The following TMC2 variants were observed in gnomAD, a reference collection of about 807,000 sequenced individuals.
The protein encoded by TMC2 is transmembrane channel like 2.
TMC2 carries 102 observed loss-of-function variants against 105.9 expected under a neutral mutation model. That is an observed-to-expected ratio of 0.96 (90% CI 0.82 to 1.14). The LOEUF (loss-of-function observed/expected upper bound fraction) is 1.14, where lower values mean the gene tolerates loss of function less well. TMC2 is among the 50% of genes most tolerant of loss of function. The pLI, the probability that TMC2 is intolerant of heterozygous loss-of-function variation, is 0.00. For synonymous variants in TMC2, 402 were observed against 422.8 expected (o/e 0.95, Z 0.60); for missense variants, 1,093 against 1,134.3 (o/e 0.96, Z 0.52).
At chr20:2,578,064 T>C (rs2086160383) in intron 5 of TMC2, among the ~76,000 whole-genome samples, 1 of 152,012 alleles carries the variant, frequency 6.6e-6, no homozygotes, top group South Asian at 2.1e-4. Flanking sequence ...CTCAAGTTTG[T>C]AATCCCAACA....
At chr20:2,591,945 G>C (rs1020931806) in intron 7 of TMC2, among the ~76,000 whole-genome samples, 1 of 152,130 alleles carries the variant, frequency 6.6e-6, no homozygotes, top group African/African-American at 2.4e-5. Flanking sequence ...CCTGAGGTCA[G>C]GGGTTCAAGA....
intron 16 of TMC2, among the ~76,000 whole-genome samples, chr20:2,620,987 TC>T (rs1394116028): frequency 6.6e-6 from 1 of 152,194 alleles, no homozygotes; most frequent in Non-Finnish European, 1.5e-5. Flanking sequence ...AGTAAATAAC[TC>T]ATTTTCTAGT....
At chr20:2,615,557 C>G (rs932379876) in intron 14 of TMC2, among the ~76,000 whole-genome samples, 2 of 152,154 alleles carry the variant, frequency 1.3e-5, no homozygotes, top group Non-Finnish European at 2.9e-5. Context: ...TTCAAATATT[C>G]GGACAAATCA....
At chr20:2,625,483 G>A (rs1455511037) in intron 17 of TMC2, among the ~76,000 whole-genome samples, 1 of 152,130 alleles carries the variant, frequency 6.6e-6, no homozygotes, top group Non-Finnish European at 1.5e-5. Context: ...GTATAGTACT[G>A]TTTCCGGAGT....
At chr20:2,579,257 A>G (rs1256276917) in intron 6 of TMC2, 30 bp downstream of exon 6, 7 of 1,388,170 alleles carry the variant, frequency 5.0e-6, no homozygotes, top group Admixed American at 1.7e-5. Flanking sequence ...TGTTTTTTTA[A>G]TTGGTTTCCT....
chr20:2,611,822 A>G (rs2086440353), intron 12 of TMC2, among the ~76,000 whole-genome samples: 1 of 137,330 alleles, frequency 7.3e-6, no homozygotes, highest in East Asian at 2.3e-4. Flanking sequence ...GAATGCTTAG[A>G]TGGATGAATG....
intron 12 of TMC2, among the ~76,000 whole-genome samples, chr20:2,611,350 G>A (rs1453425399): frequency 6.6e-6 from 1 of 152,124 alleles, no homozygotes; most frequent in East Asian, 1.9e-4. Flanking sequence ...ACTGTTCTAA[G>A]CATGGAAGTG....
At chr20:2,608,300 TTTATTATTATTATTATTATTATTATTA>T (rs61608674) in intron 11 of TMC2, among the ~76,000 whole-genome samples, 1 of 134,602 alleles carries the variant, frequency 7.4e-6, no homozygotes, top group African/African-American at 2.7e-5. Flanking sequence ...CTTATTTTTA[TTTATTATTATTATTATTATTATTATTA>T]TTATTATTAT....
intron 2 of TMC2, among the ~76,000 whole-genome samples, chr20:2,545,840 AG>A (rs1165900417): frequency 6.7e-6 from 1 of 150,154 alleles, no homozygotes; most frequent in Non-Finnish European, 1.5e-5. Context: ...AAAGAAAGAA[AG>A]AAAGAAAGAA....
At chr20:2,597,107 G>A (rs1230892696) in intron 9 of TMC2, 44 bp from the exon 10 acceptor site, 20 of 1,588,076 alleles carry the variant, frequency 1.3e-5, no homozygotes, top group Middle Eastern at 1.8e-4. Context: ...GGGTGACACA[G>A]CAGAAAGAGG....
In TMC2 at chr20:2,572,192, T is replaced by A; in HGVS notation, c.568T>A (p.Phe190Ile). The A allele has an allele frequency of 6.2e-7, 1 of 1,610,948 alleles. No individual in the cohort carries two copies. Among genetic ancestry groups the A allele is most frequent in the Non-Finnish European group, 8.5e-7 (1 of 1,178,970 alleles). Reference sequence around the variant, plus strand: ...TTTTCTAAGCAGGGAGGCCCAGGAATTTGTGGAGAAGTATGAAGGTGCCTT... The same window carrying A: ...TTTTCTAAGCAGGGAGGCCCAGGAAATTGTGGAGAAGTATGAAGGTGCCTT... The part of the protein sequence containing the change: ...KLTELREAQE[F>I]VEKYEGALGK... The change falls in exon 5 of 20, where the codon TTT becomes ATT. Residue 190 changes from phenylalanine (F) to isoleucine (I), a missense_variant. Transcript: ENST00000358864.
chr20:2,604,338 T>A (rs2086373717), intron 11 of TMC2, among the ~76,000 whole-genome samples: 1 of 152,254 alleles, frequency 6.6e-6, no homozygotes, highest in African/African-American at 2.4e-5. Flanking sequence ...AGGTGTTTGC[T>A]TATCACCTCA....
At chr20:2,599,460 T>G (rs893749128) in intron 10 of TMC2, among the ~76,000 whole-genome samples, 1 of 151,488 alleles carries the variant, frequency 6.6e-6, no homozygotes, top group Non-Finnish European at 1.5e-5. Flanking sequence ...GCTGTAATGC[T>G]GAAGCATTGT....
In TMC2 at chr20:2,617,430, G is replaced by GCCTTTTAA. The variant is rs1356775965; in HGVS notation, c.2180+119_2180+120insCCTTTTAA. 25 of 1,339,188 alleles carry GCCTTTTAA rather than the reference G, an allele frequency of 1.9e-5. No individual in the cohort carries two copies. The East Asian group carries it at 5.6e-4, about 30-fold the overall frequency. The allele number at this position is 1,339,188 out of a possible 1,614,324, so 83.0% of individuals were successfully genotyped here. A position where few individuals can be genotyped will look rare whatever the true frequency, so the allele number is the denominator to read the frequency against. On this transcript the variant is annotated intron_variant, in intron 16 of 19. Coordinates refer to ENST00000358864, the MANE Select transcript of TMC2 (RefSeq NM_080751.3). ...GCCTGTAAAAGGCCATGGAACTTTG[G>GCCTTTTAA]GTGAATCACCGATGCCATTTAAGAG... is the stretch of plus-strand genomic sequence containing the variant.
At chr20:2,610,296 G>A in intron 11 of TMC2, 123 bp from the exon 12 acceptor site, 1 of 879,674 alleles carries the variant, frequency 1.1e-6, no homozygotes, top group Admixed American at 2.4e-5. Flanking sequence ...AGACCCCAGG[G>A]CATCTCCAGG....
At chr20:2,537,932 C>A (rs1384163363) in intron 2 of TMC2, among the ~76,000 whole-genome samples, 1 of 152,148 alleles carries the variant, frequency 6.6e-6, no homozygotes, top group East Asian at 1.9e-4. Flanking sequence ...GTTTTCTCCC[C>A]CTTCACGTCC....
chr20:2,587,514 A>G (rs1292389782), intron 7 of TMC2, among the ~76,000 whole-genome samples: 1 of 103,162 alleles, frequency 9.7e-6, no homozygotes, highest in Non-Finnish European at 1.9e-5. Context: ...TAGACCTCAT[A>G]AAGTGATTTG....
At chr20:2,574,864 T>C (rs1372664878) in intron 5 of TMC2, among the ~76,000 whole-genome samples, 2 of 152,134 alleles carry the variant, frequency 1.3e-5, no homozygotes, top group African/African-American at 4.8e-5. Flanking sequence ...TAGCTGGGAT[T>C]ATGGGCATGC....
chr20:2,543,034 T>C (rs187574390), intron 2 of TMC2, among the ~76,000 whole-genome samples: 1,660 of 151,970 alleles, frequency 0.011, 27 homozygotes, highest in African/African-American at 0.038. Context: ...GTCAGGAGTT[T>C]GAGACCAGCC....
Sources: gnomAD v4.1 joint callset for allele counts (sites outside exome capture counted in the v4.1 genomes callset) on GRCh38, gnomAD v4.1.1 for gene constraint, MANE v1.5 for transcripts, NCBI Gene and HGNC (gene_info 2026-07-23, HGNC 2026-07-21) for gene names.